FAM135B: variants seen among roughly 807,000 people sequenced by gnomAD.
FAM135B encodes the protein protein FAM135B.
A neutral mutation model predicts 127.7 loss-of-function variants in FAM135B; 43 were observed. The observed-to-expected ratio is 0.34, with a 90% confidence interval of 0.26 to 0.43. FAM135B has a LOEUF of 0.43. Ranked by LOEUF, FAM135B falls within the 20% of genes least tolerant of loss-of-function variation. The probability of loss-of-function intolerance (pLI) is 1.00; values close to 1 mark genes in which losing one functional copy is unlikely to be tolerated. For synonymous variants in FAM135B, 670 were observed against 665.1 expected (o/e 1.01, Z -0.11); for missense variants, 1,558 against 1,725.6 (o/e 0.90, Z 1.72).
intron 7 of FAM135B, among the ~76,000 whole-genome samples, chr8:138,223,714 T>G (rs1819199945): frequency 6.6e-6 from 1 of 152,188 alleles, no homozygotes; most frequent in African/African-American, 2.4e-5. Flanking sequence ...TGTGCACTAG[T>G]ATTGCAGAAA....
intron 1 of FAM135B, among the ~76,000 whole-genome samples, chr8:138,447,250 T>A (rs1263706657): frequency 6.6e-6 from 1 of 152,158 alleles, no homozygotes; most frequent in African/African-American, 2.4e-5. Context: ...AGTGTGGCGA[T>A]TCCTCAGGGA....
At chr8:138,384,855 C>T (rs558966252) in intron 1 of FAM135B, among the ~76,000 whole-genome samples, 17 of 152,138 alleles carry the variant, frequency 1.1e-4, no homozygotes, top group African/African-American at 4.1e-4. Context: ...CTCTTCTTCC[C>T]CTCCCTCCAC....
intron 18 of FAM135B, 139 bp downstream of exon 18, chr8:138,138,847 C>T (rs1436868773): frequency 1.6e-6 from 1 of 607,646 alleles, no homozygotes; most frequent in Non-Finnish European, 3.0e-6. Context: ...TCCCAATGAG[C>T]CAAAGAGGCT....
Position 138,132,936 on chromosome 8 carries a change from A to G in FAM135B, c.4016-138T>C. On this transcript the variant is annotated intron_variant, in intron 19 of 19. Coordinates refer to ENST00000395297, the MANE Select transcript of FAM135B (RefSeq NM_015912.4). The surrounding 1 kb of genome is among the most constrained non-coding windows in gnomAD (Gnocchi z 4.5). The stretch of plus-strand genomic sequence containing the variant: ...CAGTTTCCAACCTCTTCCTAATGTT[A>G]GTGAAATTAATATGAAATAAAATCA... 1.4e-6 allele frequency: 1 copy of G among 699,622 alleles called. No homozygotes were observed. Among genetic ancestry groups the G allele is most frequent in the Admixed American group, 2.6e-5 (1 of 38,554 alleles). The allele number at this position is 699,622 out of a possible 1,614,324, so 43.3% of individuals were successfully genotyped here.
chr8:138,384,345 C>CATTTATTT (rs10608773), intron 1 of FAM135B, among the ~76,000 whole-genome samples: 129 of 150,920 alleles, frequency 8.5e-4, no homozygotes, highest in East Asian at 6.5e-3. Context: ...CCATAGGCTC[C>CATTTATTT]ATTTATTTAT....
chr8:138,352,909 C>T (rs966501731), intron 2 of FAM135B, among the ~76,000 whole-genome samples: 2 of 152,148 alleles, frequency 1.3e-5, no homozygotes, highest in Non-Finnish European at 2.9e-5. Flanking sequence ...TCACACTGCT[C>T]AGTACATGTC....
intron 2 of FAM135B, among the ~76,000 whole-genome samples, chr8:138,322,101 T>A (rs1175773087): frequency 1.3e-5 from 2 of 152,222 alleles, no homozygotes; most frequent in Non-Finnish European, 2.9e-5. Flanking sequence ...AGTTCCCTTA[T>A]GTTTAAAGTA....
intron 1 of FAM135B, among the ~76,000 whole-genome samples, chr8:138,456,443 C>T (rs575652981): frequency 1.4e-4 from 21 of 152,270 alleles, no homozygotes; most frequent in African/African-American, 5.1e-4. Flanking sequence ...TGGGAGACTA[C>T]AAGGTTAGGA....
At chr8:138,297,510 C>G (rs1035473302) in intron 3 of FAM135B, among the ~76,000 whole-genome samples, 21 of 152,194 alleles carry the variant, frequency 1.4e-4, no homozygotes, top group Non-Finnish European at 5.9e-5. Context: ...TCATTCATTG[C>G]ATTTTTTAAA....
intron 2 of FAM135B, among the ~76,000 whole-genome samples, chr8:138,335,285 T>A (rs1828488127): frequency 6.6e-6 from 1 of 152,188 alleles, no homozygotes; most frequent in South Asian, 2.1e-4. Context: ...CTGCACTCAG[T>A]ACTTAAAACG....
At chr8:138,426,507 T>C (rs1282984288) in intron 1 of FAM135B, among the ~76,000 whole-genome samples, 5 of 150,986 alleles carry the variant, frequency 3.3e-5, no homozygotes. Flanking sequence ...ATGTATACTA[T>C]ATATGTATAA....
In FAM135B at chr8:138,242,165, TTGTGTGTGTGTGTGTGTGTGTGTGTG is replaced by T. The variant is rs55837421; in HGVS notation, c.669+751_669+776del. ...AGTCAATTACTTATGATAAATCTCT[TTGTGTGTGTGTGTGTGTGTGTGTGTG>T]TGTGTGTGTGTGTGTGTGTGTGTGT... is the stretch of plus-strand genomic sequence containing the variant. On this transcript the variant is annotated intron_variant, in intron 7 of 19. Transcript: ENST00000395297. The surrounding 1 kb of genome is among the most constrained non-coding windows in gnomAD (Gnocchi z 9.6). Among the ~76,000 whole-genome samples the T allele has an allele frequency of 6.4e-3, 827 of 130,084 alleles. 13 individuals are homozygous for T. The highest frequency in any genetic ancestry group is 0.022 in the African/African-American group (761 of 34,110). 85.3% of individuals were successfully genotyped at this position (130,084 alleles called of 152,430 possible). A position where few individuals can be genotyped will look rare whatever the true frequency, so the allele number is the denominator to read the frequency against.
intron 1 of FAM135B, among the ~76,000 whole-genome samples, chr8:138,465,603 T>C (rs1028958023): frequency 6.6e-6 from 1 of 151,948 alleles, no homozygotes; most frequent in Non-Finnish European, 1.5e-5. Context: ...CCCAACCCAC[T>C]CTTTGCTTAA....
At chr8:138,279,973 T>G (rs1430103786) in intron 3 of FAM135B, among the ~76,000 whole-genome samples, 1 of 152,192 alleles carries the variant, frequency 6.6e-6, no homozygotes, top group Admixed American at 6.5e-5. Flanking sequence ...CTCCTATATC[T>G]GAAAACTCAT....
At position 138,488,486 on chromosome 8, in the gene FAM135B, G is replaced by C. The variant is rs149350971; in HGVS notation, c.-20+8185C>G. 3.2e-3 allele frequency among the ~76,000 whole-genome samples: 487 copies of C among 152,048 alleles called. 1 individual carries two copies. The highest frequency in any genetic ancestry group is 0.011 in the African/African-American group (466 of 41,482). ...CTACACAGGGTTATTTAACTAGGTT[G>C]TCCAGAGACATCACTACAAAGAGGG... On this transcript the variant is annotated intron_variant, in intron 1 of 19. Transcript: ENST00000395297.
At chr8:138,321,401 G>A (rs1196702658) in intron 2 of FAM135B, among the ~76,000 whole-genome samples, 3 of 152,130 alleles carry the variant, frequency 2.0e-5, no homozygotes, top group South Asian at 2.1e-4. Flanking sequence ...GGATGCCTGC[G>A]GGATACAGTA....
chr8:138,150,014 A>G (rs112371135), intron 13 of FAM135B, among the ~76,000 whole-genome samples: 282 of 152,270 alleles, frequency 1.9e-3, no homozygotes, highest in Middle Eastern at 6.8e-3. Flanking sequence ...CAAAAATCCA[A>G]TGTTTACCTG....
intron 1 of FAM135B, among the ~76,000 whole-genome samples, chr8:138,427,863 T>A (rs1406088884): frequency 8.5e-5 from 13 of 152,170 alleles, no homozygotes; most frequent in Admixed American, 8.5e-4. Context: ...ACAAACTTCC[T>A]ACTCATCCCA....
intron 12 of FAM135B, among the ~76,000 whole-genome samples, chr8:138,156,109 G>C (rs1262603931): frequency 6.6e-6 from 1 of 152,188 alleles, no homozygotes; most frequent in Non-Finnish European, 1.5e-5. Context: ...TCAGACCATA[G>C]TGCAATCAAA....
Sources: gnomAD v4.1 joint callset for allele counts (sites outside exome capture counted in the v4.1 genomes callset) on GRCh38, gnomAD v4.1.1 for gene constraint, Gnocchi (gnomAD v3.1) non-coding constraint, MANE v1.5 for transcripts, NCBI Gene and HGNC (gene_info 2026-07-23, HGNC 2026-07-21) for gene names.